Variants in CDH8 observed in about 807,000 individuals in gnomAD.
The protein encoded by CDH8 is cadherin 8.
Under a neutral mutation model 68.1 loss-of-function variants are expected in CDH8, and 17 were observed. That is an observed-to-expected ratio of 0.25 (90% CI 0.17 to 0.37). The LOEUF is 0.37. Among genes scored for constraint, CDH8 ranks in the 10% least tolerant of loss-of-function variants. The pLI, the probability that CDH8 is intolerant of heterozygous loss-of-function variation, is 1.00. For synonymous variants in CDH8, 372 were observed against 365.1 expected (o/e 1.02, Z -0.21); for missense variants, 763 against 999.3 (o/e 0.76, Z 3.19).
intron 10 of CDH8, among the ~76,000 whole-genome samples, chr16:61,687,175 G>A (rs531822016): frequency 1.3e-5 from 2 of 151,458 alleles, no homozygotes; most frequent in African/African-American, 4.8e-5. Flanking sequence ...CTTTTTTCCT[G>A]TAATACCACA....
chr16:61,709,499 C>G (rs1169824208), intron 10 of CDH8, among the ~76,000 whole-genome samples: 2 of 152,004 alleles, frequency 1.3e-5, no homozygotes, highest in African/African-American at 4.8e-5. Flanking sequence ...TTTTGCAACA[C>G]GGGAAGTTTG....
At chr16:61,793,063 A>C (rs896314460) in intron 7 of CDH8, among the ~76,000 whole-genome samples, 1 of 151,918 alleles carries the variant, frequency 6.6e-6, no homozygotes, top group Non-Finnish European at 1.5e-5. Context: ...AAGCCCTCAC[A>C]AATGAAATTA....
Position 61,666,200 on chromosome 16 carries a change from G to GTGTT in CDH8, c.1655-10480_1655-10479insAACA, listed in dbSNP as rs1182356063. 4.6e-3 allele frequency among the ~76,000 whole-genome samples: 687 copies of GTGTT among 149,480 alleles called. 9 individuals carry two copies. Among genetic ancestry groups the GTGTT allele is most frequent in the African/African-American group, 0.016 (660 of 40,612 alleles). The stretch of plus-strand genomic sequence containing the variant: ...ACTCTGTGTGTGTGTGTGTGTGTGT[G>GTGTT]TGTGTGTATATATATATATATGTAT... On this transcript the variant is annotated intron_variant, in intron 10 of 11. Coordinates refer to ENST00000577390, the MANE Select transcript of CDH8 (RefSeq NM_001796.5).
intron 7 of CDH8, among the ~76,000 whole-genome samples, chr16:61,790,159 A>G (rs991800526): frequency 5.3e-5 from 8 of 152,058 alleles, no homozygotes; most frequent in African/African-American, 1.9e-4. Flanking sequence ...CTACTAAATT[A>G]AGAATTTCAA....
At chr16:61,834,866 C>T (rs1962534830) in intron 4 of CDH8, among the ~76,000 whole-genome samples, 1 of 151,888 alleles carries the variant, frequency 6.6e-6, no homozygotes, top group Non-Finnish European at 1.5e-5. Context: ...GAATGTGACC[C>T]AGCAATGAGA....
chr16:62,025,883 T>C (rs530097604), intron 1 of CDH8, among the ~76,000 whole-genome samples: 263 of 50,234 alleles, frequency 5.2e-3, no homozygotes, highest in African/African-American at 0.02. Flanking sequence ...AATAATATAA[T>C]ATTATTATTA....
chr16:61,668,483 C>G (rs1048978618), intron 10 of CDH8, among the ~76,000 whole-genome samples: 5 of 152,146 alleles, frequency 3.3e-5, no homozygotes, highest in Admixed American at 6.6e-5. Context: ...TTCATTTTAT[C>G]TGAGGAATGC....
chr16:61,700,473 G>C (rs773913620), intron 10 of CDH8, among the ~76,000 whole-genome samples: 55 of 152,032 alleles, frequency 3.6e-4, no homozygotes, highest in South Asian at 1.9e-3. Flanking sequence ...TAGAGACAGG[G>C]TTTCACCATG....
At chr16:61,818,240 C>A (rs1962126482) in intron 6 of CDH8, among the ~76,000 whole-genome samples, 1 of 152,070 alleles carries the variant, frequency 6.6e-6, no homozygotes, top group Non-Finnish European at 1.5e-5. Context: ...TAGCACTAAT[C>A]CCCACAAAGA....
intron 8 of CDH8, among the ~76,000 whole-genome samples, chr16:61,768,110 T>C (rs1567460877): frequency 6.6e-6 from 1 of 151,930 alleles, no homozygotes; most frequent in South Asian, 2.1e-4. Flanking sequence ...GTTATTATTG[T>C]TATTTAAGTA....
chr16:61,683,753 T>C (rs1006599818), intron 10 of CDH8, among the ~76,000 whole-genome samples: 3 of 152,036 alleles, frequency 2.0e-5, no homozygotes, highest in African/African-American at 7.2e-5. Context: ...TAGATGGAAA[T>C]ATTCTGAAAT....
chr16:61,819,354 T>G (rs1255630192), intron 6 of CDH8, among the ~76,000 whole-genome samples: 3 of 152,114 alleles, frequency 2.0e-5, no homozygotes, highest in African/African-American at 7.2e-5. Flanking sequence ...AAATGGCTAA[T>G]TGTTTCAGTT....
At chr16:61,989,089 C>A (rs995944609) in intron 2 of CDH8, among the ~76,000 whole-genome samples, 1 of 152,110 alleles carries the variant, frequency 6.6e-6, no homozygotes, top group Non-Finnish European at 1.5e-5. Flanking sequence ...GTGAGACTTG[C>A]AAGAAACTGG....
At chr16:61,842,154 G>T (rs543710738) in intron 4 of CDH8, among the ~76,000 whole-genome samples, 3 of 150,364 alleles carry the variant, frequency 2.0e-5, no homozygotes, top group Non-Finnish European at 4.4e-5. Context: ...TGATCCGCCC[G>T]CCTGGGCCTC....
intron 10 of CDH8, chr16:61,667,755 A>G (rs1409097886): frequency 2.6e-5 from 4 of 152,010 alleles, no homozygotes; most frequent in Non-Finnish European, 5.9e-5. Context: ...GCAATAAGAA[A>G]ATCTGATTAC....
chr16:61,671,710 T>A (rs1215307963), intron 10 of CDH8, among the ~76,000 whole-genome samples: 1 of 152,222 alleles, frequency 6.6e-6, no homozygotes, highest in South Asian at 2.1e-4. Flanking sequence ...GAGAACGGCA[T>A]GTGCTTTTGA....
At chr16:61,810,726 A>C (rs2142998974) in intron 7 of CDH8, among the ~76,000 whole-genome samples, 1 of 152,232 alleles carries the variant, frequency 6.6e-6, no homozygotes, top group African/African-American at 2.4e-5. Context: ...GCATGTATAA[A>C]AGACTAGTTA....
rs985243381 is a variant in CDH8, at chr16:62,026,554, A to G, written c.-199-4952T>C. ...ATGAACTACTTAACCACCGCTGTGAATAAAGGACTGAACACATGGATTTGG... is the reference window on the plus strand; with the variant it reads ...ATGAACTACTTAACCACCGCTGTGAGTAAAGGACTGAACACATGGATTTGG... On this transcript the variant is annotated intron_variant, in intron 1 of 11. Coordinates refer to ENST00000577390, the MANE Select transcript of CDH8 (RefSeq NM_001796.5). Among the ~76,000 whole-genome samples the G allele has an allele frequency of 3.3e-5, 5 of 152,340 alleles. 1 individual carries two copies. The highest frequency in any genetic ancestry group is 1.3e-4 in the Admixed American group (2 of 15,304).
chr16:61,817,040 G>A (rs1468890752), intron 7 of CDH8, among the ~76,000 whole-genome samples: 5 of 151,982 alleles, frequency 3.3e-5, no homozygotes, highest in East Asian at 1.9e-4. Flanking sequence ...CTATGGTCTC[G>A]TGCCTCTAAA....
Sources: allele counts gnomAD v4.1 joint callset (sites outside exome capture counted in the v4.1 genomes callset), GRCh38; gene constraint gnomAD v4.1.1; transcripts MANE v1.5; gene names NCBI Gene and HGNC (gene_info 2026-07-23, HGNC 2026-07-21).